Variants in SUGCT observed in about 807,000 individuals in gnomAD.
SUGCT encodes the protein succinyl-CoA:glutarate CoA-transferase.
In SUGCT, 41 loss-of-function variants were observed where a neutral mutation model predicts 55.0. The ratio of observed to expected loss-of-function variants is 0.74; its 90% CI spans 0.58 to 0.97. The LOEUF (loss-of-function observed/expected upper bound fraction) is 0.97. SUGCT is among the 50% of genes least tolerant of loss of function. SUGCT has a pLI of 0.00. For missense variants in SUGCT, 568 were observed against 547.8 expected (o/e 1.04, Z -0.37); for synonymous variants, 187 against 200.4 (o/e 0.93, Z 0.56).
chr7:40,717,305 C>T (rs1030795851), intron 12 of SUGCT, among the ~76,000 whole-genome samples: 26 of 152,018 alleles, frequency 1.7e-4, no homozygotes, highest in Admixed American at 1.6e-3. Context: ...ATTTATTGGG[C>T]GAAGGGGAAA....
At chr7:40,678,262 T>C (rs960621348) in intron 12 of SUGCT, among the ~76,000 whole-genome samples, 1 of 152,146 alleles carries the variant, frequency 6.6e-6, no homozygotes, top group African/African-American at 2.4e-5. Context: ...AGCAAAGATC[T>C]AAGGTGCTGC....
intron 7 of SUGCT, among the ~76,000 whole-genome samples, chr7:40,242,453 T>C (rs1471811362): frequency 2.0e-5 from 3 of 152,148 alleles, no homozygotes; most frequent in Non-Finnish European, 4.4e-5. Flanking sequence ...ATTACAGGTG[T>C]GAGCCACCAT....
intron 1 of SUGCT, among the ~76,000 whole-genome samples, chr7:40,144,900 T>A (rs1178938437): frequency 4.6e-5 from 7 of 152,194 alleles, no homozygotes; most frequent in Non-Finnish European, 1.0e-4. Flanking sequence ...CTATTAGTGA[T>A]AAACTTAATT....
At chr7:40,151,481 T>C (rs1584190768) in intron 1 of SUGCT, 1 of 153,796 alleles carries the variant, frequency 6.5e-6, no homozygotes, top group South Asian at 2.0e-4. Context: ...AGAAATTGAA[T>C]CAGTGTTAAA....
At chr7:40,266,080 C>G (rs559666527) in intron 7 of SUGCT, among the ~76,000 whole-genome samples, 239 of 151,902 alleles carry the variant, frequency 1.6e-3, no homozygotes, top group African/African-American at 5.6e-3. Context: ...CCATTTCTGT[C>G]ATTTCAAAAT....
At chr7:40,719,914 G>A (rs1296982444) in intron 12 of SUGCT, among the ~76,000 whole-genome samples, 1 of 152,098 alleles carries the variant, frequency 6.6e-6, no homozygotes, top group Non-Finnish European at 1.5e-5. Flanking sequence ...TCCTGCCTCA[G>A]CCTCCTGAGT....
intron 9 of SUGCT, among the ~76,000 whole-genome samples, chr7:40,442,602 G>A (rs888437925): frequency 1.3e-5 from 2 of 151,876 alleles, no homozygotes; most frequent in African/African-American, 4.8e-5. Flanking sequence ...TACTAGAAAA[G>A]TTGTTGATGG....
At chr7:40,758,464 A>G (rs1313063615) in intron 13 of SUGCT, among the ~76,000 whole-genome samples, 1 of 152,158 alleles carries the variant, frequency 6.6e-6, no homozygotes, top group African/African-American at 2.4e-5. Flanking sequence ...TGGTGGAGAT[A>G]AAGAAATGGT....
At chr7:40,514,201 C>T (rs1161758142) in intron 12 of SUGCT, among the ~76,000 whole-genome samples, 1 of 151,582 alleles carries the variant, frequency 6.6e-6, no homozygotes, top group Non-Finnish European at 1.5e-5. Context: ...CTTAAATTGA[C>T]GTTGATGTTT....
rs540441553 is a variant in SUGCT, at chr7:40,819,669, G to C, written c.1154-40647G>C. On this transcript the variant is annotated intron_variant, in intron 13 of 13. Transcript: ENST00000335693. ...GATTCTGGATATTAGCCCTTTGTCA[G>C]ATGGGTAGATTGTAAAAATTTTCTC... 2.6e-5 allele frequency among the ~76,000 whole-genome samples: 4 copies of C among 151,924 alleles called. No individual in the cohort carries two copies. The East Asian group carries it at 7.8e-4, about 30-fold the overall frequency.
intron 12 of SUGCT, among the ~76,000 whole-genome samples, chr7:40,744,246 C>G (rs555647220): frequency 9.7e-4 from 148 of 152,178 alleles, no homozygotes; most frequent in Middle Eastern, 3.4e-3. Flanking sequence ...GGGTTTTAAG[C>G]CTTAGACTAC....
intron 12 of SUGCT, among the ~76,000 whole-genome samples, chr7:40,547,336 G>A (rs990755165): frequency 6.6e-6 from 1 of 152,132 alleles, no homozygotes; most frequent in African/African-American, 2.4e-5. Flanking sequence ...AGGCACACTT[G>A]GAATAATGGT....
At chr7:40,791,517 A>C (rs1045124064) in intron 13 of SUGCT, among the ~76,000 whole-genome samples, 2 of 152,310 alleles carry the variant, frequency 1.3e-5, no homozygotes, top group East Asian at 3.9e-4. Flanking sequence ...CTACCTAGGT[A>C]GGTCAACTTG....
chr7:40,708,630 T>G (rs2128669223), intron 12 of SUGCT, among the ~76,000 whole-genome samples: 1 of 152,232 alleles, frequency 6.6e-6, no homozygotes, highest in East Asian at 1.9e-4. Context: ...CATCCTGAAC[T>G]CATCTCCTGC....
At chr7:41,013,755 CT>C in the SUGCT span, among the ~76,000 whole-genome samples, 293 of 140,410 alleles carry the variant, frequency 2.1e-3, no homozygotes, top group Admixed American at 2.6e-3. Flanking sequence ...TTCTTTCTTT[CT>C]TTTTTTTTTT....
At chr7:40,439,680 C>G (rs1788394699) in intron 9 of SUGCT, among the ~76,000 whole-genome samples, 1 of 152,120 alleles carries the variant, frequency 6.6e-6, no homozygotes, top group Non-Finnish European at 1.5e-5. Context: ...CCCCAATCTT[C>G]TCTCAGTTAA....
the SUGCT span, among the ~76,000 whole-genome samples, chr7:40,953,436 C>T: frequency 6.6e-6 from 1 of 152,162 alleles, no homozygotes; most frequent in Non-Finnish European, 1.5e-5. Flanking sequence ...TTGTCTGAAG[C>T]CTTCTTCTTT....
intron 7 of SUGCT, among the ~76,000 whole-genome samples, chr7:40,239,748 C>T (rs1374906965): frequency 6.6e-6 from 1 of 152,140 alleles, no homozygotes; most frequent in Admixed American, 6.5e-5. Flanking sequence ...GATTTTTGTT[C>T]TAGGTGAGCA....
chr7:40,705,714 G>A (rs185471938), intron 12 of SUGCT, among the ~76,000 whole-genome samples: 3 of 152,090 alleles, frequency 2.0e-5, no homozygotes, highest in Admixed American at 6.5e-5. Context: ...GCAAGGTCTC[G>A]GACCACTTAA....
Sources: allele counts gnomAD v4.1 joint callset (sites outside exome capture counted in the v4.1 genomes callset), GRCh38; gene constraint gnomAD v4.1.1; transcripts MANE v1.5; gene names NCBI Gene and HGNC (gene_info 2026-07-23, HGNC 2026-07-21).